The following GALNT13 variants were observed in gnomAD, a reference collection of about 807,000 sequenced individuals.
GALNT13 encodes the protein UDP-GalNAc:polypeptide N-acetylgalactosaminyltransferase 13.
Under a neutral mutation model 64.2 loss-of-function variants are expected in GALNT13, and 28 were observed. The ratio of observed to expected loss-of-function variants is 0.44; its 90% CI spans 0.32 to 0.60. GALNT13 has a LOEUF of 0.60. GALNT13 is among the 20% of genes least tolerant of loss of function. GALNT13 has a pLI of 0.05. For synonymous variants in GALNT13, 214 were observed against 224.6 expected, an observed-to-expected ratio of 0.95 and a Z score of 0.42; for missense variants, 577 against 669.8, an observed-to-expected ratio of 0.86 and a Z score of 1.53.
At chr2:153,933,698 T>TAA (rs1233076490) in intron 2 of GALNT13, among the ~76,000 whole-genome samples, 1 of 152,146 alleles carries the variant, frequency 6.6e-6, no homozygotes, top group Non-Finnish European at 1.5e-5. Context: ...GCTATTTATT[T>TAA]AAGTTTGTTT....
chr2:154,209,777 C>A (rs1447497242), intron 4 of GALNT13, among the ~76,000 whole-genome samples: 1 of 152,044 alleles, frequency 6.6e-6, no homozygotes, highest in African/African-American at 2.4e-5. Flanking sequence ...AAATTGTGAT[C>A]TTTGATATAT....
At chr2:154,157,428 G>T (rs1045472774) in intron 4 of GALNT13, among the ~76,000 whole-genome samples, 2 of 152,020 alleles carry the variant, frequency 1.3e-5, no homozygotes, top group Non-Finnish European at 2.9e-5. Flanking sequence ...GCCCAGGCTG[G>T]ATTTAAACTC....
chr2:154,154,934 TTGTGTGTGTGTGTGTG>T (rs60456139), intron 4 of GALNT13, among the ~76,000 whole-genome samples: 1 of 149,304 alleles, frequency 6.7e-6, no homozygotes, highest in South Asian at 2.1e-4. Flanking sequence ...TTGTTTATGT[TTGTGTGTGTGTGTGTG>T]TGTGTGTGTG....
intron 3 of GALNT13, among the ~76,000 whole-genome samples, chr2:154,072,196 G>A (rs906577285): frequency 1.6e-4 from 25 of 151,990 alleles, no homozygotes; most frequent in African/African-American, 5.3e-4. Flanking sequence ...ATTTTGATGC[G>A]GATAGCCAAA....
chr2:153,990,303 C>T (rs1029541826), intron 3 of GALNT13, among the ~76,000 whole-genome samples: 7 of 151,954 alleles, frequency 4.6e-5, no homozygotes, highest in East Asian at 1.9e-4. Context: ...GACAAGTTGT[C>T]GCAGAAGACC....
At chr2:153,373,020 A>T in the GALNT13 span, among the ~76,000 whole-genome samples, 1 of 152,140 alleles carries the variant, frequency 6.6e-6, no homozygotes, top group Non-Finnish European at 1.5e-5. Context: ...TGATTATTTT[A>T]ACTCAAGCCA....
intron 3 of GALNT13, among the ~76,000 whole-genome samples, chr2:153,951,994 T>C (rs1262796537): frequency 6.6e-6 from 1 of 152,168 alleles, no homozygotes; most frequent in African/African-American, 2.4e-5. Flanking sequence ...TTTGTTTTTC[T>C]GTTTTTTAAA....
chr2:153,238,417 C>A, the GALNT13 span, among the ~76,000 whole-genome samples: 1 of 152,094 alleles, frequency 6.6e-6, no homozygotes, highest in East Asian at 1.9e-4. Flanking sequence ...AGTTCAGTAT[C>A]CTGGACAGTT....
chr2:154,403,817 C>G (rs1017685742), intron 10 of GALNT13, among the ~76,000 whole-genome samples: 2 of 152,156 alleles, frequency 1.3e-5, no homozygotes, highest in Non-Finnish European at 2.9e-5. Context: ...CCTTCCAGGC[C>G]TCCGTTCTAA....
intron 9 of GALNT13, among the ~76,000 whole-genome samples, chr2:154,383,637 G>A (rs1698377552): frequency 6.6e-6 from 1 of 151,840 alleles, no homozygotes; most frequent in African/African-American, 2.4e-5. Context: ...TTGCAAAACA[G>A]AATGCTGACT....
the GALNT13 span, among the ~76,000 whole-genome samples, chr2:153,719,106 T>C: frequency 3.3e-5 from 5 of 152,090 alleles, no homozygotes; most frequent in Admixed American, 1.3e-4. Context: ...TGATTTTCTG[T>C]CTTCATATTT....
the GALNT13 span, among the ~76,000 whole-genome samples, chr2:153,853,697 G>A: frequency 1.3e-5 from 2 of 150,066 alleles, no homozygotes; most frequent in African/African-American, 4.9e-5. Context: ...TTATACAATT[G>A]CATAATATCA....
At chr2:154,304,043 C>T (rs1281701066) in intron 9 of GALNT13, among the ~76,000 whole-genome samples, 2 of 152,056 alleles carry the variant, frequency 1.3e-5, no homozygotes, top group Admixed American at 6.6e-5. Flanking sequence ...CTTGATCCAC[C>T]GCGCCCGCAA....
Position 154,010,983 on chromosome 2 carries a change from TTC to T in GALNT13, c.142+66348_142+66349del, listed in dbSNP as rs572583521. ...ATTTCTGATTGTGTTTATTTGGATC[TTC>T]TCTGTTTTTTTCTTTATTCATATAG... On this transcript the variant is annotated intron_variant, in intron 3 of 12. Coordinates refer to ENST00000392825, the MANE Select transcript of GALNT13 (RefSeq NM_052917.4). Among the ~76,000 whole-genome samples, 249 of 152,182 alleles carry T rather than the reference TTC, an allele frequency of 1.6e-3. 1 individual carries two copies. The highest frequency in any genetic ancestry group is 3.1e-3 in the Non-Finnish European group (210 of 67,986).
the GALNT13 span, among the ~76,000 whole-genome samples, chr2:153,286,039 T>G: frequency 1.8e-4 from 27 of 152,040 alleles, no homozygotes; most frequent in African/African-American, 6.5e-4. Context: ...ATAGAATAAC[T>G]AATAGCAGAA....
the GALNT13 span, among the ~76,000 whole-genome samples, chr2:153,403,736 C>T: frequency 6.6e-6 from 1 of 152,166 alleles, no homozygotes; most frequent in African/African-American, 2.4e-5. Flanking sequence ...AAAGGGAACT[C>T]CCTGACCCCT....
the GALNT13 span, among the ~76,000 whole-genome samples, chr2:153,726,057 T>C: frequency 2.6e-5 from 4 of 152,246 alleles, no homozygotes; most frequent in South Asian, 8.3e-4. Flanking sequence ...AATGCCAACA[T>C]AATCTTAAAG....
the GALNT13 span, among the ~76,000 whole-genome samples, chr2:153,692,330 C>T: frequency 1.3e-5 from 2 of 152,090 alleles, no homozygotes; most frequent in Admixed American, 1.3e-4. Flanking sequence ...AAGCCATACA[C>T]TTAAGAGCAT....
At chr2:153,085,797 T>A in the GALNT13 span, among the ~76,000 whole-genome samples, 1 of 152,056 alleles carries the variant, frequency 6.6e-6, no homozygotes, top group African/African-American at 2.4e-5. Context: ...CTAATGGAGC[T>A]GTGAGAAGAG....
Sources: allele counts gnomAD v4.1 joint callset (sites outside exome capture counted in the v4.1 genomes callset), GRCh38; gene constraint gnomAD v4.1.1; transcripts MANE v1.5; gene names NCBI Gene and HGNC (gene_info 2026-07-23, HGNC 2026-07-21).